GNE: variants seen among roughly 807,000 people sequenced by gnomAD.
GNE encodes bifunctional UDP-N-acetylglucosamine 2-epimerase/N-acetylmannosamine kinase.
A neutral mutation model predicts 61.8 loss-of-function variants in GNE; 41 were observed. The observed-to-expected ratio is 0.66, with a 90% CI of 0.52 to 0.86. The LOEUF (loss-of-function observed/expected upper bound fraction) is 0.86, where lower values mean the gene tolerates loss of function less well. Among genes scored for constraint, GNE ranks in the 40% least tolerant of loss-of-function variants. The pLI is 0.00. For synonymous variants in GNE, 264 were observed against 326.4 expected (o/e 0.81, Z 2.06); for missense variants, 608 against 909.1 (o/e 0.67, Z 4.26).
intron 5 of GNE, among the ~76,000 whole-genome samples, chr9:36,233,680 G>T (rs1240295497): frequency 6.8e-6 from 1 of 146,838 alleles, no homozygotes; most frequent in Non-Finnish European, 1.5e-5. Flanking sequence ...AAAAAAAAAA[G>T]AAAGAACCAC....
chr9:36,258,256 G>A (rs981183365), intron 1 of GNE, 65 bp downstream of exon 1: 7 of 917,862 alleles, frequency 7.6e-6, no homozygotes, highest in South Asian at 5.0e-5. Context: ...AGGAGGCCGG[G>A]GGAGGCGGCC....
chr9:36,230,412 T>C lies in GNE; in HGVS notation c.983-1304A>G, dbSNP rs1258038616. On this transcript the variant is annotated intron_variant, in intron 5 of 11. Transcript: ENST00000642385. Reference sequence around the variant, plus strand: ...TCCCTCTTCACCAGAACTCTAAAGATTGAAGGGCTCCAGAGGTTGGTCCTG... The same window carrying C: ...TCCCTCTTCACCAGAACTCTAAAGACTGAAGGGCTCCAGAGGTTGGTCCTG... 2.6e-5 allele frequency among the ~76,000 whole-genome samples: 4 copies of C among 152,140 alleles called. No homozygotes were observed. The East Asian group carries it at 5.8e-4, about 22-fold the overall frequency.
intron 3 of GNE, 88 bp from the exon 4 acceptor site, chr9:36,237,072 C>CT: frequency 9.5e-7 from 1 of 1,057,888 alleles, no homozygotes; most frequent in Non-Finnish European, 1.4e-6. Context: ...GACTCTAAGT[C>CT]TGTGCTTTTA....
chr9:36,251,986 C>CTTTTTTTTTTTTTTT (rs34737463), intron 1 of GNE, among the ~76,000 whole-genome samples: 1 of 134,158 alleles, frequency 7.5e-6, no homozygotes, highest in African/African-American at 2.8e-5. Flanking sequence ...ACTATCTGAT[C>CTTTTTTTTTTTTTTT]TTTTTTTTTT....
chr9:36,228,873 A>G, intron 6 of GNE, 148 bp downstream of exon 6: 1 of 717,194 alleles, frequency 1.4e-6, no homozygotes, highest in East Asian at 2.5e-5. Context: ...GTATGATATT[A>G]GCAATCCCTG....
At chr9:36,222,679 G>A (rs1190000733) in intron 9 of GNE, 98 bp downstream of exon 9, 3 of 876,140 alleles carry the variant, frequency 3.4e-6, no homozygotes, top group Non-Finnish European at 3.9e-6. Context: ...CATGCAGGAA[G>A]TGAAGGCTAA....
At chr9:36,222,336 G>A (rs891291293) in intron 9 of GNE, among the ~76,000 whole-genome samples, 28 of 149,642 alleles carry the variant, frequency 1.9e-4, no homozygotes, top group Non-Finnish European at 3.4e-4. Context: ...GGAGAATGGC[G>A]TGAACCCAGG....
At chr9:36,238,730 CTTTAG>C (rs1013003117) in intron 3 of GNE, among the ~76,000 whole-genome samples, 7 of 152,164 alleles carry the variant, frequency 4.6e-5, no homozygotes, top group Non-Finnish European at 1.0e-4. Context: ...TGCAAAAGCT[CTTTAG>C]TTTAATTAGG....
chr9:36,243,010 G>C (rs1388222620), intron 3 of GNE, among the ~76,000 whole-genome samples: 1 of 152,048 alleles, frequency 6.6e-6, no homozygotes, highest in Non-Finnish European at 1.5e-5. Context: ...AAAGTGCTAG[G>C]GTCACAGGCA....
chr9:36,221,669 C>T (rs1327948728), intron 9 of GNE, among the ~76,000 whole-genome samples: 1 of 151,980 alleles, frequency 6.6e-6, no homozygotes, highest in Non-Finnish European at 1.5e-5. Context: ...CAGAGGAATG[C>T]TTAATTTAAA....
At chr9:36,253,270 C>T (rs1303128241) in intron 1 of GNE, among the ~76,000 whole-genome samples, 1 of 150,762 alleles carries the variant, frequency 6.6e-6, no homozygotes, top group Non-Finnish European at 1.5e-5. Context: ...ACTGTTGGGG[C>T]AAAGCTTACT....
At chr9:36,256,904 A>G (rs1830375520) in intron 1 of GNE, among the ~76,000 whole-genome samples, 1 of 152,088 alleles carries the variant, frequency 6.6e-6, no homozygotes, top group Non-Finnish European at 1.5e-5. Flanking sequence ...GCCCCAAATC[A>G]CTGTTTAATA....
chr9:36,236,702 TG>T, intron 4 of GNE, 129 bp downstream of exon 4: 1 of 825,546 alleles, frequency 1.2e-6, no homozygotes, highest in Non-Finnish European at 2.0e-6. Context: ...CTTTGAAAAT[TG>T]GAATGCATTT....
intron 5 of GNE, 46 bp downstream of exon 5, chr9:36,233,874 G>A (rs760811841): frequency 5.1e-6 from 7 of 1,369,820 alleles, no homozygotes; most frequent in Admixed American, 3.3e-5. Flanking sequence ...AACAACTCAC[G>A]TATGTATAAA....
Position 36,245,912 on chromosome 9 carries a change from T to C in GNE, c.616+119A>G, listed in dbSNP as rs1427891984. 18 of 780,216 alleles carry C rather than the reference T, an allele frequency of 2.3e-5. No homozygotes were observed. The Admixed American group carries it at 3.7e-4, about 16-fold the overall frequency. The allele number at this position is 780,216 out of a possible 1,614,324, so 48.3% of individuals were successfully genotyped here. On this transcript the variant is annotated intron_variant, in intron 3 of 11. Coordinates refer to ENST00000642385, the MANE Select transcript of GNE (RefSeq NM_005476.7). ...AGGGCAAGGTCTATGAACTAAAACC[T>C]TGGCCTTCTCATTGCTAACAGAGTA...
At chr9:36,250,049 C>T (rs757201991) in intron 1 of GNE, among the ~76,000 whole-genome samples, 3 of 152,080 alleles carry the variant, frequency 2.0e-5, no homozygotes, top group African/African-American at 2.4e-5. Flanking sequence ...AAATTACTTG[C>T]CATAACTCAC....
chr9:36,251,040 CTT>C lies in GNE; in HGVS notation c.-42-1645_-42-1644del, dbSNP rs572554613. On this transcript the variant is annotated intron_variant, in intron 1 of 11. Coordinates refer to ENST00000642385, the MANE Select transcript of GNE (RefSeq NM_005476.7). ...CATCTCTTCCCTGCCTAAAATTACC[CTT>C]CTCTGTGCCAAAGTGCCAGCCATAC... 5.5e-3 allele frequency among the ~76,000 whole-genome samples: 843 copies of C among 152,256 alleles called. 7 individuals carry two copies. The highest frequency in any genetic ancestry group is 0.019 in the African/African-American group (786 of 41,542).
At chr9:36,232,780 A>C (rs766770346) in intron 5 of GNE, among the ~76,000 whole-genome samples, 1 of 152,180 alleles carries the variant, frequency 6.6e-6, no homozygotes, top group Non-Finnish European at 1.5e-5. Flanking sequence ...TCTATCATCT[A>C]TCTCCTCTCC....
chr9:36,253,937 T>C (rs1021917283), intron 1 of GNE, among the ~76,000 whole-genome samples: 1 of 151,972 alleles, frequency 6.6e-6, no homozygotes, highest in Non-Finnish European at 1.5e-5. Flanking sequence ...CTGAGGAGGC[T>C]GTGGCAGGAG....
Sources: allele counts gnomAD v4.1 joint callset (sites outside exome capture counted in the v4.1 genomes callset), GRCh38; gene constraint gnomAD v4.1.1; transcripts MANE v1.5; gene names NCBI Gene and HGNC (gene_info 2026-07-23, HGNC 2026-07-21).